LRPPRC: variants seen among roughly 807,000 people sequenced by gnomAD.
The protein encoded by LRPPRC is leucine-rich PPR motif-containing protein, mitochondrial.
A neutral mutation model predicts 180.3 loss-of-function variants in LRPPRC; 120 were observed. That is an observed-to-expected ratio of 0.67 (90% CI 0.57 to 0.77). The LOEUF (loss-of-function observed/expected upper bound fraction) is 0.77, where lower values mean the gene tolerates loss of function less well. Ranked by LOEUF, LRPPRC falls within the 30% of genes least tolerant of loss-of-function variation. The pLI is 0.00. For synonymous variants in LRPPRC, 723 were observed against 600.0 expected (o/e 1.21, Z -3.00); for missense variants, 2,012 against 1,657.2 (o/e 1.21, Z -3.72).
chr2:43,988,735 G>A (rs1674644317), intron 1 of LRPPRC, among the ~76,000 whole-genome samples: 1 of 151,898 alleles, frequency 6.6e-6, no homozygotes, highest in African/African-American at 2.4e-5. Flanking sequence ...AGTAGAAACG[G>A]CGTTTCACCA....
chr2:43,992,719 G>A (rs1674839587), intron 1 of LRPPRC, among the ~76,000 whole-genome samples: 1 of 152,136 alleles, frequency 6.6e-6, no homozygotes, highest in African/African-American at 2.4e-5. Context: ...AAACAAATAT[G>A]TAGATATCCA....
At position 43,963,710 on chromosome 2, in the gene LRPPRC, C is replaced by G. The variant is rs982411268; in HGVS notation, c.1370-4G>C. ...CCTTTGAGGATTTCAATTATACCTA[C>G]CAAATAAAATGTAGAAGCACAGAGA... On this transcript the variant is annotated splice_region_variant and splice_polypyrimidine_tract_variant and intron_variant, in intron 11 of 37. Coordinates refer to ENST00000260665, the MANE Select transcript of LRPPRC (RefSeq NM_133259.4). The G allele has an allele frequency of 7.1e-7, 1 of 1,413,618 alleles. No individual in the cohort carries two copies. Among genetic ancestry groups the G allele is most frequent in the Admixed American group, 1.7e-5 (1 of 59,762 alleles). 87.6% of individuals were successfully genotyped at this position (1,413,618 alleles called of 1,614,324 possible). A position where few individuals can be genotyped will look rare whatever the true frequency, so the allele number is the denominator to read the frequency against.
At chr2:43,926,755 T>C (rs960057155) in intron 25 of LRPPRC, among the ~76,000 whole-genome samples, 1 of 152,334 alleles carries the variant, frequency 6.6e-6, no homozygotes, top group South Asian at 2.1e-4. Flanking sequence ...AAATTATCAA[T>C]GTTACACAAA....
chr2:43,952,426 G>C (rs1672943506), intron 14 of LRPPRC, among the ~76,000 whole-genome samples: 1 of 152,126 alleles, frequency 6.6e-6, no homozygotes, highest in Non-Finnish European at 1.5e-5. Flanking sequence ...ACAGTTACCA[G>C]TGCCCAAACC....
intron 1 of LRPPRC, among the ~76,000 whole-genome samples, chr2:43,987,488 C>A (rs1674580345): frequency 1.1e-5 from 1 of 91,296 alleles, no homozygotes; most frequent in Non-Finnish European, 2.4e-5. Context: ...GAGCCAGACT[C>A]CTCAAAAAAA....
intron 30 of LRPPRC, 26 bp from the exon 31 acceptor site, chr2:43,905,806 GA>G: frequency 2.2e-6 from 3 of 1,370,912 alleles, no homozygotes; most frequent in Non-Finnish European, 3.1e-6. Flanking sequence ...ATTTAGAAAG[GA>G]ATTACTGACA....
At position 43,925,948 on chromosome 2, in the gene LRPPRC, C is replaced by G; in HGVS notation, c.2750G>C (p.Arg917Thr). Residue 917 changes from arginine (R) to threonine (T), a missense_variant, in exon 26 of 38, where the codon AGA becomes ACA. Arg to Thr is a moderately conservative substitution (Grantham distance 71). Coordinates refer to ENST00000260665, the MANE Select transcript of LRPPRC (RefSeq NM_133259.4). ...AKKIIETPGI[R>T]ARSARLQWFC... ...CCACTGAAGCCTTGCAGATCGAGCT[C>G]TAATCCCTGGAGTCTGTAAAATAAA... 1 of 1,607,534 alleles carries G rather than the reference C, an allele frequency of 6.2e-7. No homozygotes were observed.
At chr2:43,972,095 G>A (rs1410624679) in intron 11 of LRPPRC, among the ~76,000 whole-genome samples, 4 of 152,114 alleles carry the variant, frequency 2.6e-5, no homozygotes, top group African/African-American at 7.2e-5. Context: ...AGCTGAATAT[G>A]GAAGGGTTAT....
At chr2:43,926,291 T>A (rs986588876) in intron 25 of LRPPRC, among the ~76,000 whole-genome samples, 1 of 152,194 alleles carries the variant, frequency 6.6e-6, no homozygotes, top group African/African-American at 2.4e-5. Context: ...AAATCTTTAA[T>A]TAATAAAATG....
intron 23 of LRPPRC, among the ~76,000 whole-genome samples, chr2:43,940,825 C>A (rs1411149238): frequency 6.6e-6 from 1 of 152,128 alleles, no homozygotes; most frequent in Non-Finnish European, 1.5e-5. Context: ...TAAAGCATTT[C>A]TTTCTTCCTT....
chr2:43,934,794 A>T lies in LRPPRC; in HGVS notation c.2589T>A (p.Cys863Ter). The T allele has an allele frequency of 6.2e-7, 1 of 1,611,916 alleles. No individual in the cohort carries two copies. The highest frequency in any genetic ancestry group is 8.5e-7 in the Non-Finnish European group (1 of 1,178,040). ...CAGTCTCGCCTTTCTCTACCAGTTT[A>T]CACAAGACATCATGAATCCTTGGTA... is the stretch of plus-strand genomic sequence containing the variant. The part of the protein sequence containing the change: ...KVLPRIHDVL[C>*]KLVEKGETDL... Residue 863 changes from cysteine (C) to a stop codon, truncating the protein, a stop_gained, in exon 24 of 38, where the codon TGT becomes TGA. Transcript: ENST00000260665. LOFTEE classifies it high-confidence loss of function.
chr2:43,993,403 T>TA (rs1486679930), intron 1 of LRPPRC, among the ~76,000 whole-genome samples: 19 of 152,036 alleles, frequency 1.2e-4, no homozygotes, highest in Admixed American at 5.2e-4. Flanking sequence ...AAAAATACAA[T>TA]AAAAAAATCA....
chr2:43,922,603 C>T (rs941601678), intron 27 of LRPPRC, among the ~76,000 whole-genome samples: 42 of 152,158 alleles, frequency 2.8e-4, no homozygotes, highest in African/African-American at 9.2e-4. Context: ...ACTAAAAATA[C>T]AAAAAATTAG....
chr2:43,944,649 G>GA (rs1286892741), intron 22 of LRPPRC, among the ~76,000 whole-genome samples: 1 of 151,880 alleles, frequency 6.6e-6, no homozygotes, highest in Non-Finnish European at 1.5e-5. Context: ...AATCTTTTCT[G>GA]AAAATCAAAG....
At chr2:43,933,344 T>A (rs1342030525) in intron 25 of LRPPRC, among the ~76,000 whole-genome samples, 1 of 152,100 alleles carries the variant, frequency 6.6e-6, no homozygotes, top group African/African-American at 2.4e-5. Flanking sequence ...AATAAAGAGG[T>A]CAAACACCAC....
intron 1 of LRPPRC, among the ~76,000 whole-genome samples, chr2:43,992,459 G>A (rs369888672): frequency 1.3e-5 from 2 of 151,766 alleles, no homozygotes; most frequent in Admixed American, 6.6e-5. Flanking sequence ...AAGAGTTGAC[G>A]CTCCAGAGGC....
intron 30 of LRPPRC, among the ~76,000 whole-genome samples, chr2:43,912,163 CT>C (rs1272615097): frequency 6.6e-6 from 1 of 152,098 alleles, no homozygotes; most frequent in Non-Finnish European, 1.5e-5. Flanking sequence ...AATAAAATTA[CT>C]TTTCTGTGCA....
In LRPPRC at chr2:43,960,336, A is replaced by G. The variant is rs143975898; in HGVS notation, c.1582+205T>C. Among the ~76,000 whole-genome samples the G allele has an allele frequency of 6.6e-5, 10 of 152,250 alleles. No individual in the cohort carries two copies. In the East Asian group the frequency reaches 1.7e-3, roughly 26 times the overall value. On this transcript the variant is annotated intron_variant, in intron 13 of 37. Coordinates refer to ENST00000260665, the MANE Select transcript of LRPPRC (RefSeq NM_133259.4). ...CAGGTCCAGCCTTCAGTCTAACACCATATTACATATAATATTCAATGTCCT... is the reference window on the plus strand; with the variant it reads ...CAGGTCCAGCCTTCAGTCTAACACCGTATTACATATAATATTCAATGTCCT...
At chr2:43,942,019 G>C (rs1168535985) in intron 23 of LRPPRC, among the ~76,000 whole-genome samples, 1 of 152,016 alleles carries the variant, frequency 6.6e-6, no homozygotes, top group African/African-American at 2.4e-5. Context: ...TCTGACTTCA[G>C]GATATAATCA....
Sources: allele counts gnomAD v4.1 joint callset (sites outside exome capture counted in the v4.1 genomes callset), GRCh38; gene constraint gnomAD v4.1.1; transcripts MANE v1.5; gene names NCBI Gene and HGNC (gene_info 2026-07-23, HGNC 2026-07-21).